The following NAALADL2 variants were observed in gnomAD, a reference collection of about 807,000 sequenced individuals.
The protein encoded by NAALADL2 is inactive N-acetylated-alpha-linked acidic dipeptidase-like protein 2.
Under a neutral mutation model 87.2 loss-of-function variants are expected in NAALADL2, and 76 were observed. The observed-to-expected ratio is 0.87, with a 90% CI of 0.72 to 1.05. NAALADL2 has a LOEUF of 1.05. Ranked by LOEUF, NAALADL2 falls within the 50% of genes least tolerant of loss-of-function variation. The probability of loss-of-function intolerance (pLI) is 0.00; values close to 1 mark genes in which losing one functional copy is unlikely to be tolerated. For synonymous variants in NAALADL2, 354 were observed against 331.0 expected (o/e 1.07, Z -0.75); for missense variants, 1,089 against 945.8 (o/e 1.15, Z -1.99).
intron 2 of NAALADL2, among the ~76,000 whole-genome samples, chr3:174,564,686 A>G (rs1714029294): frequency 6.6e-6 from 1 of 152,108 alleles, no homozygotes; most frequent in South Asian, 2.1e-4. Context: ...AATTATGCAC[A>G]TACAATTGAG....
chr3:175,451,673 T>C lies in NAALADL2; in HGVS notation c.1234+4301T>C, dbSNP rs151207575. On this transcript the variant is annotated intron_variant, in intron 6 of 13. Transcript: ENST00000454872. ...ATAAACATTTTAAGATATTTGATGATTCACTTATTTTGAAAAAATAATTGT... is the reference window on the plus strand; with the variant it reads ...ATAAACATTTTAAGATATTTGATGACTCACTTATTTTGAAAAAATAATTGT... Among the ~76,000 whole-genome samples the C allele has an allele frequency of 1.5e-3, 232 of 152,250 alleles. 1 individual carries two copies. The highest frequency in any genetic ancestry group is 5.0e-3 in the African/African-American group (206 of 41,570).
intron 1 of NAALADL2, among the ~76,000 whole-genome samples, chr3:175,027,032 C>G (rs1049097335): frequency 1.3e-5 from 2 of 152,080 alleles, no homozygotes; most frequent in Non-Finnish European, 1.5e-5. Flanking sequence ...TCACCTGTTA[C>G]TGTTAAGGGT....
chr3:175,496,867 C>T (rs1365232062), intron 9 of NAALADL2, among the ~76,000 whole-genome samples: 1 of 151,904 alleles, frequency 6.6e-6, no homozygotes, highest in African/African-American at 2.4e-5. Context: ...GCTGATAACA[C>T]TATTTATTGA....
At chr3:175,255,374 G>A (rs896351159) in intron 3 of NAALADL2, among the ~76,000 whole-genome samples, 7 of 152,094 alleles carry the variant, frequency 4.6e-5, no homozygotes, top group Non-Finnish European at 1.0e-4. Flanking sequence ...GAAACTTGTT[G>A]AAGTGCATTA....
intron 2 of NAALADL2, among the ~76,000 whole-genome samples, chr3:175,228,594 A>G (rs543352405): frequency 1.3e-5 from 2 of 152,092 alleles, no homozygotes; most frequent in Admixed American, 6.6e-5. Flanking sequence ...ACGGAGTGCA[A>G]TGAAAGAGCT....
At chr3:175,285,897 A>C (rs893669687) in intron 4 of NAALADL2, among the ~76,000 whole-genome samples, 5 of 152,200 alleles carry the variant, frequency 3.3e-5, no homozygotes, top group Admixed American at 1.3e-4. Flanking sequence ...GATTAAGAAA[A>C]TAAGTGCTAT....
chr3:174,621,285 A>G (rs16862611), intron 2 of NAALADL2, among the ~76,000 whole-genome samples: 3,076 of 152,222 alleles, frequency 0.02, 97 homozygotes, highest in African/African-American at 0.069. Flanking sequence ...TTTGTTGACA[A>G]GAGGAAAATT....
At position 175,625,965 on chromosome 3, in the gene NAALADL2, C is replaced by T. The variant is rs532030993; in HGVS notation, c.1801-1326C>T. 1.1e-4 allele frequency among the ~76,000 whole-genome samples: 16 copies of T among 152,104 alleles called. No individual in the cohort carries two copies. In the South Asian group the frequency reaches 1.7e-3, roughly 16 times the overall value. ...ATTGATTTTGTTCATTTAATTGCTA[C>T]TAACCCTATGTGACAAAATGTTTTA... On this transcript the variant is annotated intron_variant, in intron 10 of 13. Transcript: ENST00000454872.
intron 5 of NAALADL2, among the ~76,000 whole-genome samples, chr3:175,446,245 TG>T (rs372392746): frequency 0.081 from 1,342 of 16,554 alleles, 9 homozygotes; most frequent in African/African-American, 0.2. Context: ...CACCTTTTTT[TG>T]GGGGGGGCGG....
At chr3:175,515,815 A>C (rs1264695931) in intron 9 of NAALADL2, among the ~76,000 whole-genome samples, 1 of 152,128 alleles carries the variant, frequency 6.6e-6, no homozygotes, top group African/African-American at 2.4e-5. Flanking sequence ...CTCTCTCATG[A>C]GACATAGTTC....
At chr3:174,714,171 G>C (rs960320786) in intron 2 of NAALADL2, among the ~76,000 whole-genome samples, 1 of 152,038 alleles carries the variant, frequency 6.6e-6, no homozygotes, top group Non-Finnish European at 1.5e-5. Context: ...TCTCTATTTT[G>C]GTACCAGTTC....
intron 2 of NAALADL2, among the ~76,000 whole-genome samples, chr3:174,593,500 A>G (rs1467494111): frequency 4.6e-5 from 7 of 152,152 alleles, no homozygotes; most frequent in African/African-American, 1.7e-4. Context: ...CTGGAATTCA[A>G]AGTCAGTATG....
chr3:174,652,576 T>C (rs1173959657), intron 2 of NAALADL2, among the ~76,000 whole-genome samples: 3 of 148,702 alleles, frequency 2.0e-5, no homozygotes, highest in Non-Finnish European at 4.4e-5. Context: ...TCGTGAAACT[T>C]ATTCACTATC....
At chr3:175,772,863 G>C (rs979681767) in intron 13 of NAALADL2, among the ~76,000 whole-genome samples, 1 of 151,956 alleles carries the variant, frequency 6.6e-6, no homozygotes, top group African/African-American at 2.4e-5. Context: ...ACATTTTAGT[G>C]TTTCTTCTGC....
At chr3:175,623,828 T>G (rs1306933693) in intron 10 of NAALADL2, among the ~76,000 whole-genome samples, 2 of 151,984 alleles carry the variant, frequency 1.3e-5, no homozygotes, top group African/African-American at 4.8e-5. Flanking sequence ...TCAAACATCT[T>G]TCTAGCTCAT....
rs1166280611 is a variant in NAALADL2, at chr3:175,126,628, A to G, written c.545+29337A>G. The stretch of plus-strand genomic sequence containing the variant: ...ATAATGGAGAGCTTTATTGTCACCA[A>G]AACAAAACAAAACGAAACAAAACTC... On this transcript the variant is annotated intron_variant, in intron 2 of 13. Coordinates refer to ENST00000454872, the MANE Select transcript of NAALADL2 (RefSeq NM_207015.3). Among the ~76,000 whole-genome samples the G allele has an allele frequency of 2.0e-5, 3 of 152,144 alleles. No homozygotes were observed. The East Asian group carries it at 5.8e-4, about 29-fold the overall frequency.
rs1293274493 is a variant in NAALADL2 at position 175,013,297 on chromosome 3, A to ATTTTT, written c.44-83492_44-83491insTTTTT. Among the ~76,000 whole-genome samples, 87 of 77,550 alleles carry ATTTTT rather than the reference A, an allele frequency of 1.1e-3. 6 individuals carry two copies. The highest frequency in any genetic ancestry group is 1.7e-3 in the Admixed American group (10 of 5,964). The allele number at this position is 77,550 out of a possible 152,430, so 50.9% of individuals were successfully genotyped here. On this transcript the variant is annotated intron_variant, in intron 1 of 13. Coordinates refer to ENST00000454872, the MANE Select transcript of NAALADL2 (RefSeq NM_207015.3). ...TATATACATATATATATATATATATATATATTTTTTTTTTTTTTTGAGACA... is the reference window on the plus strand; with the variant it reads ...TATATACATATATATATATATATATATTTTTTATATTTTTTTTTTTTTTTGAGACA...
chr3:174,891,969 A>G (rs1730909214), intron 1 of NAALADL2, among the ~76,000 whole-genome samples: 1 of 152,140 alleles, frequency 6.6e-6, no homozygotes. Flanking sequence ...TGGCTCAGCC[A>G]CAACAAGGTA....
At chr3:175,404,466 G>A (rs184518608) in intron 5 of NAALADL2, among the ~76,000 whole-genome samples, 41 of 152,258 alleles carry the variant, frequency 2.7e-4, no homozygotes, top group Admixed American at 1.1e-3. Context: ...AGTTGCAAAA[G>A]CCGTGTGAGT....
Sources: allele counts gnomAD v4.1 joint callset (sites outside exome capture counted in the v4.1 genomes callset), GRCh38; gene constraint gnomAD v4.1.1; transcripts MANE v1.5; gene names NCBI Gene and HGNC (gene_info 2026-07-23, HGNC 2026-07-21).